FAR1: variants seen among roughly 807,000 people sequenced by gnomAD.
FAR1 encodes the protein male sterility domain-containing protein 2.
A neutral mutation model predicts 61.1 loss-of-function variants in FAR1; 22 were observed. The ratio of observed to expected loss-of-function variants is 0.36; its 90% CI spans 0.26 to 0.51. The LOEUF (loss-of-function observed/expected upper bound fraction) is 0.51, where lower values mean the gene tolerates loss of function less well. FAR1 is among the 20% of genes least tolerant of loss of function. The probability of loss-of-function intolerance (pLI) is 0.95; values close to 1 mark genes in which losing one functional copy is unlikely to be tolerated. For missense variants in FAR1, 359 were observed against 626.9 expected (o/e 0.57, Z 4.56); for synonymous variants, 206 against 209.7 (o/e 0.98, Z 0.15).
intron 1 of FAR1, among the ~76,000 whole-genome samples, chr11:13,690,727 A>G (rs911965637): frequency 2.0e-5 from 3 of 152,078 alleles, no homozygotes; most frequent in East Asian, 1.9e-4. Flanking sequence ...TTGTATTTCC[A>G]TAAACATTTT....
chr11:13,725,483 A>G (rs1848659521), intron 10 of FAR1, among the ~76,000 whole-genome samples: 2 of 152,156 alleles, frequency 1.3e-5, no homozygotes, highest in South Asian at 2.1e-4. Context: ...AAAATAGATT[A>G]GAGAGATGAA....
chr11:13,709,712 A>C (rs1848476617), intron 4 of FAR1, among the ~76,000 whole-genome samples: 1 of 152,024 alleles, frequency 6.6e-6, no homozygotes, highest in Non-Finnish European at 1.5e-5. Flanking sequence ...ATTTCCCTTC[A>C]ATTTAATTGA....
intron 5 of FAR1, 48 bp from the exon 6 acceptor site, chr11:13,711,716 T>C: frequency 1.9e-5 from 25 of 1,341,864 alleles, no homozygotes; most frequent in Non-Finnish European, 2.6e-5. Flanking sequence ...AATCTCTAGC[T>C]TCATAATGTT....
chr11:13,711,140 G>A (rs192506655), intron 5 of FAR1: 18 of 392,468 alleles, frequency 4.6e-5, no homozygotes, highest in South Asian at 1.6e-4. Context: ...GAGGAGATTT[G>A]GTTTGTTTCT....
intron 4 of FAR1, among the ~76,000 whole-genome samples, 157 bp downstream of exon 4, chr11:13,708,236 C>T (rs535733825): frequency 5.3e-5 from 8 of 151,934 alleles, no homozygotes; most frequent in Admixed American, 1.3e-4. Flanking sequence ...TGGTGGCAGG[C>T]GCCTGTAGTC....
In FAR1 at chr11:13,730,418, ATC is replaced by A. The variant is rs1848711699; in HGVS notation, c.*1648_*1649del. 6.6e-6 allele frequency: 1 copy of A among 152,328 alleles called. No homozygotes were observed. Among genetic ancestry groups the A allele is most frequent in the African/African-American group, 2.4e-5 (1 of 41,434 alleles). 9.4% of individuals were successfully genotyped at this position (152,328 alleles called of 1,614,324 possible). A position where few individuals can be genotyped will look rare whatever the true frequency, so the allele number is the denominator to read the frequency against. On this transcript the variant is annotated 3_prime_UTR_variant, in exon 12 of 12. Coordinates refer to ENST00000354817, the MANE Select transcript of FAR1 (RefSeq NM_032228.6). ...TTTTAAAAGAAATATGTATATAAATATCTCTATATTCTTTGGAATGATACTAA... is the reference window on the plus strand; with the variant it reads ...TTTTAAAAGAAATATGTATATAAATATCTATATTCTTTGGAATGATACTAA...
At chr11:13,673,411 G>A (rs1848032646) in intron 1 of FAR1, among the ~76,000 whole-genome samples, 1 of 152,222 alleles carries the variant, frequency 6.6e-6, no homozygotes, top group Non-Finnish European at 1.5e-5. Context: ...TATTACAGAT[G>A]AGGAGAGTGA....
intron 1 of FAR1, among the ~76,000 whole-genome samples, chr11:13,673,346 C>G (rs1223501195): frequency 6.6e-6 from 1 of 152,278 alleles, no homozygotes. Flanking sequence ...TAGCATAATC[C>G]TTCAACAAAT....
intron 9 of FAR1, among the ~76,000 whole-genome samples, chr11:13,717,618 C>T (rs1848569939): frequency 6.6e-6 from 1 of 152,076 alleles, no homozygotes. Context: ...CTGCTTCGTG[C>T]CCATGAAAGG....
chr11:13,708,413 T>C (rs1234912024), intron 4 of FAR1, among the ~76,000 whole-genome samples: 2 of 143,408 alleles, frequency 1.4e-5, no homozygotes, highest in African/African-American at 5.2e-5. Context: ...CCTCTTCTCC[T>C]CACCCCACCC....
At chr11:13,713,199 TTAA>T (rs1189961096) in intron 8 of FAR1, 166 bp downstream of exon 8, 4 of 629,124 alleles carry the variant, frequency 6.4e-6, no homozygotes, top group Non-Finnish European at 1.1e-5. Context: ...CTTGTGGTCC[TTAA>T]TAATGTTTCA....
intron 3 of FAR1, among the ~76,000 whole-genome samples, chr11:13,703,900 C>G (rs1427892753): frequency 6.6e-6 from 1 of 151,580 alleles, no homozygotes; most frequent in African/African-American, 2.4e-5. Flanking sequence ...AAAAATGAGC[C>G]GGGCATGGTG....
intron 10 of FAR1, among the ~76,000 whole-genome samples, chr11:13,723,848 A>C: frequency 6.6e-6 from 1 of 152,184 alleles, no homozygotes; most frequent in Non-Finnish European, 1.5e-5. Context: ...TTTTATTTTC[A>C]GTTTTAGAAA....
intron 1 of FAR1, among the ~76,000 whole-genome samples, chr11:13,679,353 CTTTA>C (rs1848100985): frequency 6.6e-6 from 1 of 152,082 alleles, no homozygotes; most frequent in Non-Finnish European, 1.5e-5. Flanking sequence ...ACGGGAATTA[CTTTA>C]TTTAAAAAAA....
At chr11:13,694,623 G>C (rs1334166913) in intron 1 of FAR1, 136 bp from the exon 2 acceptor site, 2 of 675,492 alleles carry the variant, frequency 3.0e-6, no homozygotes, top group Admixed American at 6.3e-5. Flanking sequence ...CTTGAGGTTA[G>C]AGTCCTCTCT....
chr11:13,700,817 C>T (rs1848362774), intron 3 of FAR1, among the ~76,000 whole-genome samples: 2 of 152,034 alleles, frequency 1.3e-5, no homozygotes, highest in Admixed American at 6.5e-5. Flanking sequence ...GAAGCCTATA[C>T]CCCAGCAGCT....
chr11:13,714,456 A>G lies in FAR1; in HGVS notation c.956-53A>G, dbSNP rs1848533620. ...ATAAAAACATGATTTTTTTTTTTCAAAACTTCATTACATGGTTATTATCAA... is the reference window on the plus strand; with the variant it reads ...ATAAAAACATGATTTTTTTTTTTCAGAACTTCATTACATGGTTATTATCAA... On this transcript the variant is annotated intron_variant, in intron 8 of 11. Coordinates refer to ENST00000354817, the MANE Select transcript of FAR1 (RefSeq NM_032228.6). The G allele has an allele frequency of 2.0e-6, 3 of 1,498,940 alleles. No homozygotes were observed. The African/African-American group carries it at 4.3e-5, about 21-fold the overall frequency. 92.9% of individuals were successfully genotyped at this position (1,498,940 alleles called of 1,614,324 possible). A position where few individuals can be genotyped will look rare whatever the true frequency, so the allele number is the denominator to read the frequency against.
At chr11:13,681,541 G>A (rs1022769842) in intron 1 of FAR1, among the ~76,000 whole-genome samples, 1 of 152,146 alleles carries the variant, frequency 6.6e-6, no homozygotes, top group Non-Finnish European at 1.5e-5. Flanking sequence ...GACTTCCAAG[G>A]CTAGGTCAGA....
chr11:13,684,941 C>T (rs1046329689), intron 1 of FAR1, among the ~76,000 whole-genome samples: 4 of 152,108 alleles, frequency 2.6e-5, no homozygotes, highest in African/African-American at 7.2e-5. Flanking sequence ...GACCGCAAAT[C>T]TTCTTGTTTT....
Sources: gnomAD v4.1 joint callset for allele counts (sites outside exome capture counted in the v4.1 genomes callset) on GRCh38, gnomAD v4.1.1 for gene constraint, MANE v1.5 for transcripts, NCBI Gene and HGNC (gene_info 2026-07-23, HGNC 2026-07-21) for gene names.